Variants in RIN2 observed in about 807,000 individuals in gnomAD.
RIN2 encodes the protein RAB5 interacting protein 2.
In RIN2, 36 loss-of-function variants were observed where a neutral mutation model predicts 78.0. That is an observed-to-expected ratio of 0.46 (90% CI 0.35 to 0.61). The LOEUF (loss-of-function observed/expected upper bound fraction) is 0.61, where lower values mean the gene tolerates loss of function less well. RIN2 is among the 20% of genes least tolerant of loss of function. The pLI is 0.00. For missense variants in RIN2, 1,087 were observed against 1,159.7 expected, an observed-to-expected ratio of 0.94 and a Z score of 0.91; for synonymous variants, 466 against 466.8, an observed-to-expected ratio of 1.00 and a Z score of 0.02.
At chr20:19,872,669 C>G (rs2037724642) in intron 2 of RIN2, among the ~76,000 whole-genome samples, 1 of 152,186 alleles carries the variant, frequency 6.6e-6, no homozygotes, top group East Asian at 1.9e-4. Context: ...GCATCATGCT[C>G]TGGTGGCCCC....
intron 9 of RIN2, among the ~76,000 whole-genome samples, chr20:19,989,272 CT>C (rs11455546): frequency 0.46 from 49,558 of 108,632 alleles, 9,102 homozygotes; most frequent in South Asian, 0.58. Context: ...AGAAAACATT[CT>C]TTTTTTTTTT....
intron 8 of RIN2, among the ~76,000 whole-genome samples, chr20:19,973,647 G>T (rs1390921357): frequency 2.0e-5 from 3 of 152,160 alleles, no homozygotes; most frequent in Non-Finnish European, 4.4e-5. Flanking sequence ...AAATTAGCCA[G>T]GCGTGGTGGT....
intron 11 of RIN2, 107 bp from the exon 12 acceptor site, chr20:19,996,572 A>G (rs899424312): frequency 9.6e-6 from 11 of 1,143,008 alleles, no homozygotes; most frequent in Admixed American, 1.9e-5. Flanking sequence ...ATGCATGTTG[A>G]AGAAATACTA....
chr20:19,961,166 G>T (rs1047437576), intron 6 of RIN2, among the ~76,000 whole-genome samples: 1 of 152,242 alleles, frequency 6.6e-6, no homozygotes, highest in African/African-American at 2.4e-5. Context: ...GGAGACTGTA[G>T]CGAGAGAGCC....
intron 4 of RIN2, among the ~76,000 whole-genome samples, chr20:19,949,793 T>C (rs1378583774): frequency 6.6e-6 from 1 of 152,214 alleles, no homozygotes; most frequent in African/African-American, 2.4e-5. Flanking sequence ...GCTGGTAGAC[T>C]GTAATGTCTT....
In RIN2 at chr20:19,899,088, C is replaced by T. The variant is rs142394176; in HGVS notation, c.57+9430C>T. Among the ~76,000 whole-genome samples the T allele has an allele frequency of 1.7e-3, 260 of 152,320 alleles. 1 individual carries two copies. The highest frequency in any genetic ancestry group is 7.5e-3 in the East Asian group (39 of 5,172). The stretch of plus-strand genomic sequence containing the variant: ...TTCTTAATAATTACTGCTGAAATGG[C>T]TTATTCCCAGCCACTTCTATTATGC... On this transcript the variant is annotated intron_variant, in intron 3 of 12. Coordinates refer to ENST00000255006, the MANE Select transcript of RIN2 (RefSeq NM_018993.4).
At chr20:19,803,132 A>G (rs977076874) in intron 2 of RIN2, among the ~76,000 whole-genome samples, 4 of 152,234 alleles carry the variant, frequency 2.6e-5, no homozygotes, top group African/African-American at 9.6e-5. Flanking sequence ...GACTTAATGA[A>G]GATGAAATGT....
intron 1 of RIN2, among the ~76,000 whole-genome samples, chr20:19,767,514 G>T (rs528390021): frequency 6.6e-6 from 1 of 152,304 alleles, no homozygotes; most frequent in Admixed American, 6.5e-5. Flanking sequence ...CCTCAGGGAG[G>T]ATGGGACTGA....
At chr20:19,980,250 AT>A (rs1344173780) in intron 9 of RIN2, among the ~76,000 whole-genome samples, 1 of 152,160 alleles carries the variant, frequency 6.6e-6, no homozygotes, top group Non-Finnish European at 1.5e-5. Context: ...TACCTATATT[AT>A]TTCCAAAAAT....
intron 9 of RIN2, among the ~76,000 whole-genome samples, chr20:19,986,798 C>T (rs565520631): frequency 3.5e-4 from 54 of 152,338 alleles, no homozygotes; most frequent in African/African-American, 1.2e-3. Context: ...TTTTCTGATT[C>T]ATATACATTT....
Position 19,974,740 on chromosome 20 carries a change from T to A in RIN2, c.715T>A (p.Ser239Thr). ...TTCCTCCGACGGTGTCTGTCCTGCCTCCCTGCGTCAGCTCTGCCTTATAAA... is the reference window on the plus strand; with the variant it reads ...TTCCTCCGACGGTGTCTGTCCTGCCACCCTGCGTCAGCTCTGCCTTATAAA... Reference protein sequence around the residue: ...PLSSDGVCPASLRQLCLINGV... With the variant: ...PLSSDGVCPATLRQLCLINGV... Residue 239 changes from serine to threonine, a missense_variant, in exon 9 of 13, where the codon TCC becomes ACC. By Grantham distance (58) the Ser-to-Thr change is moderately conservative. This residue lies in a region of RIN2 where 706 missense variants were observed against 667.5 expected (regional missense o/e 1.06). Coordinates refer to ENST00000255006, the MANE Select transcript of RIN2 (RefSeq NM_018993.4). 6.2e-7 allele frequency: 1 copy of A among 1,614,010 alleles called. No individual in the cohort carries two copies. The highest frequency in any genetic ancestry group is 8.5e-7 in the Non-Finnish European group (1 of 1,179,902).
rs757242319 is a variant in RIN2, at chr20:19,938,516, C to T, written c.158+3317C>T. Among the ~76,000 whole-genome samples, 59 of 152,040 alleles carry T rather than the reference C, an allele frequency of 3.9e-4. 1 individual carries two copies. Among genetic ancestry groups the T allele is most frequent in the Non-Finnish European group, 5.3e-4 (36 of 68,016 alleles). On this transcript the variant is annotated intron_variant, in intron 4 of 12. Coordinates refer to ENST00000255006, the MANE Select transcript of RIN2 (RefSeq NM_018993.4). ...CTGGGATTACAAGTGTGAGCCACTGCGCCTGGCTGAGCCACTCCTTTTCAC... is the reference window on the plus strand; with the variant it reads ...CTGGGATTACAAGTGTGAGCCACTGTGCCTGGCTGAGCCACTCCTTTTCAC...
At chr20:19,949,332 T>A (rs1012412923) in intron 4 of RIN2, among the ~76,000 whole-genome samples, 6 of 152,226 alleles carry the variant, frequency 3.9e-5, no homozygotes, top group African/African-American at 1.2e-4. Context: ...GGTGTGGTTT[T>A]ACACACATAG....
At chr20:19,797,354 T>C (rs2035089827) in intron 1 of RIN2, among the ~76,000 whole-genome samples, 1 of 152,252 alleles carries the variant, frequency 6.6e-6, no homozygotes, top group African/African-American at 2.4e-5. Flanking sequence ...ATTGAGTTAC[T>C]TTTAATTATA....
intron 9 of RIN2, among the ~76,000 whole-genome samples, chr20:19,987,570 A>C (rs2042659886): frequency 6.6e-6 from 1 of 152,210 alleles, no homozygotes; most frequent in Non-Finnish European, 1.5e-5. Context: ...ATTGTGCAAA[A>C]ATAATAGAAT....
chr20:19,983,435 G>A (rs996277605), intron 9 of RIN2, among the ~76,000 whole-genome samples: 2 of 152,016 alleles, frequency 1.3e-5, no homozygotes, highest in African/African-American at 2.4e-5. Context: ...TGAAGTGAGG[G>A]TTAATGAGGT....
At chr20:19,964,400 T>C (rs1193476383) in intron 6 of RIN2, among the ~76,000 whole-genome samples, 1 of 152,170 alleles carries the variant, frequency 6.6e-6, no homozygotes, top group Non-Finnish European at 1.5e-5. Flanking sequence ...TGAGGCACCA[T>C]GCCCGGCCAG....
intron 1 of RIN2, among the ~76,000 whole-genome samples, chr20:19,788,439 A>AACAAAAAAAACAAAAAAAAAAC (rs1555818734): frequency 7.5e-5 from 10 of 132,994 alleles, no homozygotes; most frequent in Non-Finnish European, 1.5e-5. Context: ...TGCCAAAAAA[A>AACAAAAAAAACAAAAAAAAAAC]AAAAAAAAAA....
At chr20:19,909,064 A>G (rs2039348607) in intron 3 of RIN2, among the ~76,000 whole-genome samples, 1 of 152,052 alleles carries the variant, frequency 6.6e-6, no homozygotes, top group Admixed American at 6.6e-5. Context: ...GGGTTTTGCC[A>G]TGTTGGCCAG....
Sources: allele counts gnomAD v4.1 joint callset (sites outside exome capture counted in the v4.1 genomes callset), GRCh38; gene constraint gnomAD v4.1.1; regional missense constraint gnomAD v4.1.1; transcripts MANE v1.5; gene names NCBI Gene and HGNC (gene_info 2026-07-23, HGNC 2026-07-21).